The following AFAP1L2 variants were observed in gnomAD, a reference collection of about 807,000 sequenced individuals.
AFAP1L2 encodes the protein actin filament-associated protein 1-like 2.
In AFAP1L2, 46 loss-of-function variants were observed where a neutral mutation model predicts 99.3. That is an observed-to-expected ratio of 0.46 (90% CI 0.37 to 0.59). AFAP1L2 has a LOEUF of 0.59. AFAP1L2 is among the 20% of genes least tolerant of loss of function. The pLI is 0.00. For missense variants in AFAP1L2, 959 were observed against 1,034.9 expected (o/e 0.93, Z 1.01); for synonymous variants, 397 against 419.1 (o/e 0.95, Z 0.64).
At chr10:114,357,151 A>T (rs1359350916) in intron 1 of AFAP1L2, among the ~76,000 whole-genome samples, 1 of 152,176 alleles carries the variant, frequency 6.6e-6, no homozygotes, top group African/African-American at 2.4e-5. Context: ...ACTCTTCCAG[A>T]GCATTTCATT....
rs2054984712 is a variant in AFAP1L2, at chr10:114,377,627, C to A, written c.16+26813G>T. Among the ~76,000 whole-genome samples, 1 of 152,174 alleles carries A rather than the reference C, an allele frequency of 6.6e-6. No individual in the cohort carries two copies. Among genetic ancestry groups the A allele is most frequent in the Non-Finnish European group, 1.5e-5 (1 of 68,040 alleles). Reference sequence around the variant, plus strand: ...ATGGTATAGAGTGGTTATTCGATTTCCCCAGTGTGATGATGGGGTTTATTT... The same window carrying A: ...ATGGTATAGAGTGGTTATTCGATTTACCCAGTGTGATGATGGGGTTTATTT... On this transcript the variant is annotated intron_variant, in intron 1 of 18. Coordinates refer to ENST00000304129, the MANE Select transcript of AFAP1L2 (RefSeq NM_001001936.3). The surrounding 1 kb of genome is among the most constrained non-coding windows in gnomAD (Gnocchi z 4.0).
intron 16 of AFAP1L2, among the ~76,000 whole-genome samples, chr10:114,298,106 G>A (rs912482372): frequency 6.6e-5 from 10 of 152,196 alleles, no homozygotes; most frequent in African/African-American, 1.9e-4. Context: ...AGCTGGGTGC[G>A]GTGGTTCACG....
In AFAP1L2 at chr10:114,300,628, T is replaced by G. The variant is rs2286396; in HGVS notation, c.1605A>C (p.Arg535=). The part of the protein sequence containing the change: ...ADDPNERESD[R]VYLDLTPVKS... Reference sequence around the variant, plus strand: ...TGACAGGTGTGAGGTCCAGGTACACTCGGTCAGATTCTCTCTCATTTGGGT... The same window carrying G: ...TGACAGGTGTGAGGTCCAGGTACACGCGGTCAGATTCTCTCTCATTTGGGT... Residue 535 remains arginine, a synonymous_variant, in exon 14 of 19, where the codon CGA becomes CGC. Transcript: ENST00000304129. 3 of 1,613,430 alleles carry G rather than the reference T, an allele frequency of 1.9e-6. No individual in the cohort carries two copies. The highest frequency in any genetic ancestry group is 2.5e-6 in the Non-Finnish European group (3 of 1,179,718).
At chr10:114,369,594 CAAAAAA>C (rs34904418) in intron 1 of AFAP1L2, among the ~76,000 whole-genome samples, 1 of 74,662 alleles carries the variant, frequency 1.3e-5, no homozygotes, top group African/African-American at 5.4e-5. Context: ...GACTCCGACT[CAAAAAA>C]AAAAAAAAAA....
chr10:114,393,380 T>G (rs994579929), intron 1 of AFAP1L2: 1 of 152,200 alleles, frequency 6.6e-6, no homozygotes, highest in African/African-American at 2.4e-5. Flanking sequence ...GAGCCCCTGT[T>G]CTCACACAGG....
the AFAP1L2 span, chr10:114,285,937 A>G: frequency 5.7e-6 from 9 of 1,585,926 alleles, no homozygotes; most frequent in Admixed American, 1.7e-5. Context: ...TGATCCCCGC[A>G]GCCCTGAAGC....
intron 7 of AFAP1L2, 141 bp downstream of exon 7, chr10:114,313,730 C>T (rs2043633473): frequency 2.4e-6 from 2 of 843,110 alleles, no homozygotes; most frequent in South Asian, 2.3e-5. Flanking sequence ...GAAGACAGAT[C>T]GTTACCACTT....
At chr10:114,314,846 A>G (rs1231301196) in intron 6 of AFAP1L2, among the ~76,000 whole-genome samples, 1 of 152,198 alleles carries the variant, frequency 6.6e-6, no homozygotes, top group Admixed American at 6.5e-5. Context: ...CTGCACAGAT[A>G]AAAACAGTAG....
chr10:114,352,944 A>T, intron 1 of AFAP1L2, among the ~76,000 whole-genome samples: 1 of 152,220 alleles, frequency 6.6e-6, no homozygotes, highest in East Asian at 1.9e-4. Flanking sequence ...CCCCTCATCC[A>T]TTCACTCATA....
intron 18 of AFAP1L2, chr10:114,296,409 A>G (rs1474466562): frequency 9.6e-6 from 3 of 312,338 alleles, no homozygotes; most frequent in Non-Finnish European, 1.2e-5. Flanking sequence ...AGAATTTGCC[A>G]AAAGCAAAGG....
chr10:114,324,203 G>C (rs1005755554), intron 4 of AFAP1L2, among the ~76,000 whole-genome samples: 1 of 152,196 alleles, frequency 6.6e-6, no homozygotes, highest in African/African-American at 2.4e-5. Flanking sequence ...ATGACAGACA[G>C]GTCGTGAATG....
chr10:114,320,818 AG>A (rs2045118503), intron 5 of AFAP1L2, among the ~76,000 whole-genome samples: 1 of 152,228 alleles, frequency 6.6e-6, no homozygotes, highest in Admixed American at 6.5e-5. Context: ...ACCTGGGAGC[AG>A]GGAAGTGCTC....
the AFAP1L2 span, among the ~76,000 whole-genome samples, chr10:114,288,207 T>C: frequency 2.6e-5 from 4 of 152,212 alleles, no homozygotes; most frequent in Non-Finnish European, 5.9e-5. Flanking sequence ...TTAGGTGAAA[T>C]GTCACCTCCC....
At chr10:114,292,546 T>G (rs1053915826), downstream of AFAP1L2, among the ~76,000 whole-genome samples, 4 of 151,040 alleles carry the variant, frequency 2.6e-5, no homozygotes, top group South Asian at 8.4e-4. Flanking sequence ...TGTACCTATG[T>G]GGCAAAGAGG....
intron 1 of AFAP1L2, among the ~76,000 whole-genome samples, chr10:114,390,956 C>A (rs905274466): frequency 6.6e-6 from 1 of 152,150 alleles, no homozygotes; most frequent in Non-Finnish European, 1.5e-5. Context: ...GCTTCCTTGA[C>A]CTGTAAACTC....
At chr10:114,293,521 T>C (rs535962885), downstream of AFAP1L2, among the ~76,000 whole-genome samples, 72 of 152,334 alleles carry the variant, frequency 4.7e-4, no homozygotes, top group African/African-American at 1.7e-3. Context: ...TGCCACTAAA[T>C]AGTTCAGCTT....
chr10:114,291,202 TCA>T, downstream of AFAP1L2: 1 of 1,550,436 alleles, frequency 6.4e-7, no homozygotes, highest in Non-Finnish European at 8.7e-7. Flanking sequence ...TCCTCAGACT[TCA>T]CTTCCTTCCC....
chr10:114,371,268 A>G (rs1371201665), intron 1 of AFAP1L2, among the ~76,000 whole-genome samples: 1 of 152,202 alleles, frequency 6.6e-6, no homozygotes, highest in African/African-American at 2.4e-5. Context: ...GGAGAGAGCC[A>G]GGTGGGTTTG....
chr10:114,387,843 G>A (rs2056694775), intron 1 of AFAP1L2, among the ~76,000 whole-genome samples: 1 of 152,138 alleles, frequency 6.6e-6, no homozygotes, highest in Non-Finnish European at 1.5e-5. Flanking sequence ...AAGACTCTGG[G>A]TAGGTCAGGG....
Sources: gnomAD v4.1 joint callset for allele counts (sites outside exome capture counted in the v4.1 genomes callset) on GRCh38, gnomAD v4.1.1 for gene constraint, Gnocchi (gnomAD v3.1) non-coding constraint, MANE v1.5 for transcripts, NCBI Gene and HGNC (gene_info 2026-07-23, HGNC 2026-07-21) for gene names.